Variants in ROR2 observed in about 807,000 individuals in gnomAD.
ROR2 encodes tyrosine-protein kinase transmembrane receptor ROR2.
ROR2 carries 33 observed loss-of-function variants against 74.9 expected under a neutral mutation model. That is an observed-to-expected ratio of 0.44 (90% CI 0.33 to 0.59). ROR2 has a LOEUF of 0.59. Ranked by LOEUF, ROR2 falls within the 20% of genes least tolerant of loss-of-function variation. ROR2 has a pLI of 0.02. For missense variants in ROR2, 1,216 were observed against 1,313.8 expected, an observed-to-expected ratio of 0.93 and a Z score of 1.15; for synonymous variants, 586 against 558.7, an observed-to-expected ratio of 1.05 and a Z score of -0.69.
intron 1 of ROR2, chr9:91,948,595 T>C (rs1301733352): frequency 2.0e-6 from 2 of 985,392 alleles, no homozygotes; most frequent in African/African-American, 1.7e-5. Flanking sequence ...GCAGCCTTTC[T>C]GACTCGCGTA....
At chr9:91,839,251 GGTGTGT>G (rs56134220) in intron 1 of ROR2, among the ~76,000 whole-genome samples, 4,197 of 107,708 alleles carry the variant, frequency 0.039, 87 homozygotes, top group Non-Finnish European at 0.054. Flanking sequence ...TCAGATCGGG[GGTGTGT>G]GTGTGTGTGT....
intron 6 of ROR2, among the ~76,000 whole-genome samples, chr9:91,732,839 G>A (rs987001467): frequency 6.6e-6 from 1 of 152,222 alleles, no homozygotes; most frequent in Non-Finnish European, 1.5e-5. Flanking sequence ...GGAAATCCCA[G>A]GCTCAAGCAG....
intron 1 of ROR2, among the ~76,000 whole-genome samples, chr9:91,877,021 C>T (rs554826888): frequency 1.2e-4 from 19 of 152,066 alleles, no homozygotes; most frequent in Non-Finnish European, 2.5e-4. Context: ...GATCCCAAAA[C>T]CCCTCCAAGC....
chr9:91,856,993 G>A (rs1361712354), intron 1 of ROR2, among the ~76,000 whole-genome samples: 1 of 152,250 alleles, frequency 6.6e-6, no homozygotes, highest in South Asian at 2.1e-4. Context: ...CAGGGCCCCT[G>A]TCTTGAGTCT....
chr9:91,893,823 C>CT (rs1271150841), intron 1 of ROR2, among the ~76,000 whole-genome samples: 2 of 152,148 alleles, frequency 1.3e-5, no homozygotes, highest in African/African-American at 4.8e-5. Flanking sequence ...TTCGGAGAGA[C>CT]TTTTTACCCA....
intron 1 of ROR2, among the ~76,000 whole-genome samples, chr9:91,920,463 A>G (rs1218560992): frequency 6.6e-6 from 1 of 152,146 alleles, no homozygotes; most frequent in Non-Finnish European, 1.5e-5. Flanking sequence ...CTATGATTGC[A>G]CCCCTGCACT....
intron 4 of ROR2, among the ~76,000 whole-genome samples, chr9:91,748,253 G>A (rs1825492476): frequency 6.6e-6 from 1 of 151,596 alleles, no homozygotes. Context: ...CTCCAGCCTG[G>A]GCGAAAAAGC....
chr9:91,771,974 A>T, intron 2 of ROR2, among the ~76,000 whole-genome samples: 1 of 152,242 alleles, frequency 6.6e-6, no homozygotes, highest in Non-Finnish European at 1.5e-5. Flanking sequence ...TTCAGCTATG[A>T]TTATACATGT....
chr9:91,823,739 C>G (rs1043382958), intron 1 of ROR2, among the ~76,000 whole-genome samples: 2 of 152,192 alleles, frequency 1.3e-5, no homozygotes, highest in African/African-American at 2.4e-5. Context: ...TTTGAAAACT[C>G]TCATAATGAA....
At chr9:91,780,601 G>T (rs1194012993) in intron 1 of ROR2, among the ~76,000 whole-genome samples, 3 of 151,750 alleles carry the variant, frequency 2.0e-5, no homozygotes, top group African/African-American at 7.3e-5. Context: ...GACCAGCCTG[G>T]CCAACGTGGT....
chr9:91,913,914 T>C (rs1027582420), intron 1 of ROR2, among the ~76,000 whole-genome samples: 38 of 152,154 alleles, frequency 2.5e-4, no homozygotes, highest in African/African-American at 8.9e-4. Flanking sequence ...AACACTGTAC[T>C]TAATGCCACC....
chr9:91,729,356 G>A (rs907858690), intron 7 of ROR2, among the ~76,000 whole-genome samples: 60 of 152,356 alleles, frequency 3.9e-4, no homozygotes, highest in Admixed American at 3.4e-3. Flanking sequence ...AAGGTCTGGA[G>A]TGCTCCAGAG....
chr9:91,735,020 A>G (rs1824974498), intron 5 of ROR2, among the ~76,000 whole-genome samples: 1 of 152,190 alleles, frequency 6.6e-6, no homozygotes, highest in South Asian at 2.1e-4. Context: ...GCTGTCAAAA[A>G]TGTAGGTAGG....
chr9:91,821,009 G>A (rs929633268), intron 1 of ROR2, among the ~76,000 whole-genome samples: 1 of 151,954 alleles, frequency 6.6e-6, no homozygotes. Context: ...GCTGAGGCAG[G>A]AGAATTGCTT....
intron 4 of ROR2, among the ~76,000 whole-genome samples, chr9:91,741,694 C>T (rs779378764): frequency 2.0e-5 from 3 of 152,122 alleles, no homozygotes; most frequent in Non-Finnish European, 4.4e-5. Context: ...ATGAGAGAGG[C>T]TGACTGTCTA....
chr9:91,757,631 G>A lies in ROR2; in HGVS notation c.176-72C>T, dbSNP rs916936459. On this transcript the variant is annotated intron_variant, in intron 2 of 8. Transcript: ENST00000375708. ...GAAGGAAGGGCTACCTGGGGGCTCT[G>A]CTATGAACTCTTCCAAGGGAAGGTT... The A allele has an allele frequency of 2.6e-6, 4 of 1,540,680 alleles. No homozygotes were observed. The African/African-American group carries it at 5.5e-5, about 21-fold the overall frequency.
At chr9:91,890,531 T>C (rs1348016762) in intron 1 of ROR2, among the ~76,000 whole-genome samples, 2 of 152,230 alleles carry the variant, frequency 1.3e-5, no homozygotes, top group Non-Finnish European at 2.9e-5. Context: ...AAGTGTTTTA[T>C]AGTTTTTGGT....
At chr9:91,741,370 G>A (rs898055121) in intron 4 of ROR2, among the ~76,000 whole-genome samples, 2 of 150,380 alleles carry the variant, frequency 1.3e-5, no homozygotes, top group Non-Finnish European at 3.0e-5. Flanking sequence ...GGTAAGAAAA[G>A]CAACAGGAGA....
intron 4 of ROR2, among the ~76,000 whole-genome samples, chr9:91,752,100 T>C (rs931287172): frequency 2.0e-5 from 3 of 152,220 alleles, no homozygotes; most frequent in Non-Finnish European, 4.4e-5. Flanking sequence ...ACCACACCAA[T>C]GTTGGGAAAT....
Sources: allele counts gnomAD v4.1 joint callset (sites outside exome capture counted in the v4.1 genomes callset), GRCh38; gene constraint gnomAD v4.1.1; transcripts MANE v1.5; gene names NCBI Gene and HGNC (gene_info 2026-07-23, HGNC 2026-07-21).